FRMD4A: variants seen among roughly 807,000 people sequenced by gnomAD.
FRMD4A encodes the protein FERM domain-containing protein 4A.
A neutral mutation model predicts 129.1 loss-of-function variants in FRMD4A; 29 were observed. The observed-to-expected ratio is 0.22, with a 90% CI of 0.17 to 0.31. The LOEUF (loss-of-function observed/expected upper bound fraction) is 0.31, where lower values mean the gene tolerates loss of function less well. Among genes scored for constraint, FRMD4A ranks in the 10% least tolerant of loss-of-function variants. The pLI is 1.00. For synonymous variants in FRMD4A, 634 were observed against 571.6 expected (o/e 1.11, Z -1.56); for missense variants, 1,272 against 1,375.8 (o/e 0.92, Z 1.19).
intron 8 of FRMD4A, among the ~76,000 whole-genome samples, chr10:13,750,113 A>AAAGAAAGAAAGG (rs2091529650): frequency 3.7e-5 from 4 of 108,152 alleles, no homozygotes; most frequent in Non-Finnish European, 7.9e-5. Flanking sequence ...AGAAATGAAG[A>AAAGAAAGAAAGG]AAGAAAGAAA....
At chr10:13,832,159 C>CGGGGGT (rs1554926082) in intron 3 of FRMD4A, among the ~76,000 whole-genome samples, 2 of 151,854 alleles carry the variant, frequency 1.3e-5, no homozygotes, top group African/African-American at 2.4e-5. Flanking sequence ...CCCAGCTCAC[C>CGGGGGT]GGGGGTGAAC....
chr10:14,239,870 C>T (rs1418426243), intron 2 of FRMD4A, among the ~76,000 whole-genome samples: 1 of 152,128 alleles, frequency 6.6e-6, no homozygotes, highest in African/African-American at 2.4e-5. Context: ...TTCATTCACG[C>T]TAGGATTACT....
chr10:14,012,512 G>T (rs759519391), intron 2 of FRMD4A, among the ~76,000 whole-genome samples: 2 of 152,158 alleles, frequency 1.3e-5, no homozygotes, highest in Non-Finnish European at 2.9e-5. Context: ...CGGGAATGGG[G>T]GGAATGTTCC....
At chr10:14,146,131 A>G (rs1025677554) in intron 2 of FRMD4A, among the ~76,000 whole-genome samples, 1 of 152,074 alleles carries the variant, frequency 6.6e-6, no homozygotes, top group African/African-American at 2.4e-5. Flanking sequence ...GAGTAAAAGG[A>G]CTCTTAGAGT....
chr10:13,981,659 A>G (rs1232438544), intron 2 of FRMD4A, among the ~76,000 whole-genome samples: 1 of 150,860 alleles, frequency 6.6e-6, no homozygotes, highest in Admixed American at 6.6e-5. Context: ...GAATCGTTTC[A>G]ACTCCGGAGG....
chr10:13,974,654 G>C (rs1460392125), intron 2 of FRMD4A, among the ~76,000 whole-genome samples: 1 of 152,150 alleles, frequency 6.6e-6, no homozygotes, highest in Admixed American at 6.5e-5. Flanking sequence ...AGCCTCCCGA[G>C]TACCTGGGAT....
At chr10:13,952,858 A>C (rs1343720385) in intron 2 of FRMD4A, among the ~76,000 whole-genome samples, 1 of 151,354 alleles carries the variant, frequency 6.6e-6, no homozygotes, top group African/African-American at 2.4e-5. Context: ...ATGTCGGCTA[A>C]TTTTTTTTCG....
chr10:14,071,014 T>C (rs1588907518), intron 2 of FRMD4A, among the ~76,000 whole-genome samples: 1 of 152,186 alleles, frequency 6.6e-6, no homozygotes, highest in African/African-American at 2.4e-5. Flanking sequence ...CAGTAAGTAT[T>C]CTCTGGAAAA....
intron 2 of FRMD4A, among the ~76,000 whole-genome samples, chr10:14,039,341 C>T (rs1020217272): frequency 6.6e-6 from 1 of 151,566 alleles, no homozygotes; most frequent in Non-Finnish European, 1.5e-5. Context: ...AGATCTTTTT[C>T]TTGCTCACTT....
rs542236878 is a variant in FRMD4A at position 13,703,950 on chromosome 10, A to C, written c.837-2472T>G. On this transcript the variant is annotated intron_variant, in intron 13 of 24. Coordinates refer to ENST00000357447, the MANE Select transcript of FRMD4A (RefSeq NM_018027.5). ...AACCTGGAAGGTGGAGGGTGCAGTG[A>C]GCCGAGATGGCGCCACTGCATTCCA... Among the ~76,000 whole-genome samples the C allele has an allele frequency of 7.2e-5, 11 of 152,298 alleles. No homozygotes were observed. In the South Asian group the frequency reaches 2.3e-3, roughly 32 times the overall value.
At chr10:14,119,756 T>C (rs1012644167) in intron 2 of FRMD4A, among the ~76,000 whole-genome samples, 6 of 152,172 alleles carry the variant, frequency 3.9e-5, no homozygotes, top group Non-Finnish European at 4.4e-5. Context: ...AGGGACTTAT[T>C]TGGGGAGTAA....
chr10:14,083,093 A>T (rs1407183601), intron 2 of FRMD4A: 2 of 152,224 alleles, frequency 1.3e-5, no homozygotes, highest in Non-Finnish European at 2.9e-5. Flanking sequence ...CTCGATCACT[A>T]AAACACTTCT....
At chr10:13,980,644 T>C (rs1229561586) in intron 2 of FRMD4A, among the ~76,000 whole-genome samples, 3 of 152,174 alleles carry the variant, frequency 2.0e-5, no homozygotes, top group Non-Finnish European at 4.4e-5. Flanking sequence ...TGCTTGACCC[T>C]GGGAGTGAGA....
At chr10:13,941,083 C>T (rs988390213) in intron 2 of FRMD4A, among the ~76,000 whole-genome samples, 1 of 152,166 alleles carries the variant, frequency 6.6e-6, no homozygotes. Flanking sequence ...TAGTTAAATG[C>T]AAATCGTGTG....
At chr10:14,166,728 C>G (rs569366748) in intron 2 of FRMD4A, among the ~76,000 whole-genome samples, 145 of 152,320 alleles carry the variant, frequency 9.5e-4, no homozygotes, top group Non-Finnish European at 1.5e-3. Context: ...ATGGCCTGCC[C>G]ATTACTTGTC....
intron 2 of FRMD4A, among the ~76,000 whole-genome samples, chr10:14,303,272 T>C (rs2132092958): frequency 6.6e-6 from 1 of 152,294 alleles, no homozygotes; most frequent in African/African-American, 2.4e-5. Context: ...TCTCAAATTT[T>C]AACGTGCACA....
chr10:14,146,593 A>G (rs907735935), intron 2 of FRMD4A, among the ~76,000 whole-genome samples: 1 of 152,226 alleles, frequency 6.6e-6, no homozygotes, highest in African/African-American at 2.4e-5. Flanking sequence ...CTATAGAATC[A>G]TGAATCTAGA....
chr10:14,235,340 G>A (rs1564406729), intron 2 of FRMD4A, among the ~76,000 whole-genome samples: 1 of 149,692 alleles, frequency 6.7e-6, no homozygotes, highest in Non-Finnish European at 1.5e-5. Flanking sequence ...AGTAGAGACG[G>A]GGTTTCACCA....
chr10:14,000,505 G>T, intron 2 of FRMD4A, among the ~76,000 whole-genome samples: 1 of 151,752 alleles, frequency 6.6e-6, no homozygotes. Context: ...AAATTAGCCA[G>T]GCATGGTGAT....
Sources: gnomAD v4.1 joint callset for allele counts (sites outside exome capture counted in the v4.1 genomes callset) on GRCh38, gnomAD v4.1.1 for gene constraint, MANE v1.5 for transcripts, NCBI Gene and HGNC (gene_info 2026-07-23, HGNC 2026-07-21) for gene names.